Variants in GCNT2 observed in about 807,000 individuals in gnomAD.
GCNT2 encodes N-acetyllactosaminide beta-1,6-N-acetylglucosaminyl-transferase.
Under a neutral mutation model 34.2 loss-of-function variants are expected in GCNT2, and 34 were observed. That is an observed-to-expected ratio of 1.00 (90% CI 0.76 to 1.32). The LOEUF (loss-of-function observed/expected upper bound fraction) is 1.32. GCNT2 is among the 40% of genes most tolerant of loss of function. The pLI is 0.00. For synonymous variants in GCNT2, 212 were observed against 188.0 expected, an observed-to-expected ratio of 1.13 and a Z score of -1.04; for missense variants, 584 against 489.4, an observed-to-expected ratio of 1.19 and a Z score of -1.82.
chr6:10,541,541 A>T (rs1196810551), intron 3 of GCNT2, among the ~76,000 whole-genome samples: 1 of 152,172 alleles, frequency 6.6e-6, no homozygotes, highest in Non-Finnish European at 1.5e-5. Flanking sequence ...GCTGGGTCAA[A>T]TTCCTATACG....
intron 3 of GCNT2, among the ~76,000 whole-genome samples, chr6:10,561,634 G>A (rs78432200): frequency 1.7e-3 from 253 of 152,252 alleles, no homozygotes; most frequent in African/African-American, 5.8e-3. Context: ...GGGTGGTTTC[G>A]TCTCTAAGGA....
At chr6:10,568,708 G>GTTACCCCACC (rs1763392689) in intron 3 of GCNT2, among the ~76,000 whole-genome samples, 1 of 152,116 alleles carries the variant, frequency 6.6e-6, no homozygotes, top group African/African-American at 2.4e-5. Context: ...TATTACCTGT[G>GTTACCCCACC]TTACCCCACC....
intron 3 of GCNT2, among the ~76,000 whole-genome samples, chr6:10,610,725 G>A (rs1024117033): frequency 2.6e-5 from 4 of 152,170 alleles, no homozygotes; most frequent in African/African-American, 9.7e-5. Flanking sequence ...ATGCAAGAAA[G>A]TATTTGAATA....
At chr6:10,534,915 G>A (rs1425672467) in intron 3 of GCNT2, among the ~76,000 whole-genome samples, 2 of 152,122 alleles carry the variant, frequency 1.3e-5, no homozygotes, top group Non-Finnish European at 2.9e-5. Flanking sequence ...CGGGCACAGT[G>A]GCTCACGCCT....
intron 3 of GCNT2, among the ~76,000 whole-genome samples, chr6:10,542,572 C>G (rs1410119822): frequency 6.6e-6 from 1 of 152,192 alleles, no homozygotes; most frequent in African/African-American, 2.4e-5. Context: ...TTTGCCTTTT[C>G]TGGACATTTC....
intron 3 of GCNT2, among the ~76,000 whole-genome samples, chr6:10,545,535 T>C (rs1196997503): frequency 2.6e-5 from 4 of 152,240 alleles, no homozygotes; most frequent in South Asian, 2.1e-4. Context: ...ATTCTCCTTA[T>C]TAGGAATAAA....
chr6:10,544,466 G>A (rs770342169), intron 3 of GCNT2, among the ~76,000 whole-genome samples: 4 of 149,412 alleles, frequency 2.7e-5, no homozygotes, highest in African/African-American at 9.9e-5. Context: ...TTAGCAGGGC[G>A]TGGTGGCAGG....
At chr6:10,555,657 G>A (rs1413793549) in intron 3 of GCNT2, 4 of 795,478 alleles carry the variant, frequency 5.0e-6, no homozygotes, top group Non-Finnish European at 6.1e-6. Flanking sequence ...TCGTTTCAGA[G>A]TCAGGAGCCC....
chr6:10,585,772 G>A, intron 3 of GCNT2: 2 of 1,423,356 alleles, frequency 1.4e-6, no homozygotes, highest in Non-Finnish European at 1.8e-6. Flanking sequence ...AGACCAAAGT[G>A]AGAGAGGGAC....
chr6:10,601,438 C>CATCA (rs1765082025), intron 3 of GCNT2, among the ~76,000 whole-genome samples: 1 of 152,066 alleles, frequency 6.6e-6, no homozygotes, highest in South Asian at 2.1e-4. Flanking sequence ...TAAAAGTTGC[C>CATCA]ATCAATCAAT....
At chr6:10,600,194 T>C (rs1405615936) in intron 3 of GCNT2, among the ~76,000 whole-genome samples, 5 of 152,220 alleles carry the variant, frequency 3.3e-5, no homozygotes, top group African/African-American at 9.7e-5. Context: ...ATGAATATTT[T>C]GGTGTCTATA....
At chr6:10,606,914 A>G (rs1765346366) in intron 3 of GCNT2, among the ~76,000 whole-genome samples, 1 of 151,746 alleles carries the variant, frequency 6.6e-6, no homozygotes, top group South Asian at 2.1e-4. Context: ...ATAAAGAAAT[A>G]CCTGAGACTA....
At chr6:10,528,076 G>A (rs760457493) in intron 2 of GCNT2, among the ~76,000 whole-genome samples, 13 of 152,066 alleles carry the variant, frequency 8.5e-5, no homozygotes, top group African/African-American at 1.2e-4. Context: ...GCTATTGGTC[G>A]TTTTGTTGTT....
In GCNT2 at chr6:10,609,047, G is replaced by A. The variant is rs143256178; in HGVS notation, c.926-12304G>A. Among the ~76,000 whole-genome samples, 4 of 152,278 alleles carry A rather than the reference G, an allele frequency of 2.6e-5. No individual in the cohort carries two copies. The East Asian group carries it at 7.7e-4, about 29-fold the overall frequency. On this transcript the variant is annotated intron_variant, in intron 3 of 4. Transcript: ENST00000495262. ...ATAGAAAATCTGGTTTTTCCATGTT[G>A]GCTCAATTCCACCCTACTGCAGGGG...
chr6:10,582,880 C>G (rs1764184470), intron 3 of GCNT2, among the ~76,000 whole-genome samples: 1 of 152,036 alleles, frequency 6.6e-6, no homozygotes, highest in Non-Finnish European at 1.5e-5. Flanking sequence ...AAACCCTCAA[C>G]AAGAGGTATC....
rs968047580 is a variant in GCNT2, at chr6:10,532,657, C to T, written c.925+2821C>T. Among the ~76,000 whole-genome samples, 4 of 152,078 alleles carry T rather than the reference C, an allele frequency of 2.6e-5. No individual in the cohort carries two copies. The East Asian group carries it at 5.8e-4, about 22-fold the overall frequency. On this transcript the variant is annotated intron_variant, in intron 3 of 4. Transcript: ENST00000495262. ...TGGCTAACTTTAACTTTTGTAGAGA[C>T]GAGGTCCTGCTGTGTTGCCAGTGCT...
At chr6:10,617,743 A>ATTTTTTTTTTTTTTTT (rs1254996839) in intron 3 of GCNT2, among the ~76,000 whole-genome samples, 24 of 112,776 alleles carry the variant, frequency 2.1e-4, no homozygotes, top group Non-Finnish European at 2.1e-4. Context: ...CAGAGTCTGC[A>ATTTTTTTTTTTTTTTT]TTTCTTCTTT....
chr6:10,550,450 T>C (rs1762435384), intron 3 of GCNT2, among the ~76,000 whole-genome samples: 1 of 152,130 alleles, frequency 6.6e-6, no homozygotes, highest in Non-Finnish European at 1.5e-5. Flanking sequence ...ACTTTGGTCC[T>C]AGGATGAGTG....
At chr6:10,540,327 A>G (rs1581378788) in intron 3 of GCNT2, among the ~76,000 whole-genome samples, 1 of 152,270 alleles carries the variant, frequency 6.6e-6, no homozygotes, top group Admixed American at 6.5e-5. Context: ...TGGCCTCCAC[A>G]ACCTGTTCAT....
Sources: allele counts gnomAD v4.1 joint callset (sites outside exome capture counted in the v4.1 genomes callset), GRCh38; gene constraint gnomAD v4.1.1; transcripts MANE v1.5; gene names NCBI Gene and HGNC (gene_info 2026-07-23, HGNC 2026-07-21).